Variants in CTNNA2 observed in about 807,000 individuals in gnomAD.
The protein encoded by CTNNA2 is catenin alpha-2.
CTNNA2 carries 42 observed loss-of-function variants against 101.0 expected under a neutral mutation model. The observed-to-expected ratio is 0.42, with a 90% CI of 0.32 to 0.54. The LOEUF (loss-of-function observed/expected upper bound fraction) is 0.54. CTNNA2 is among the 20% of genes least tolerant of loss of function. The pLI is 0.14. For synonymous variants in CTNNA2, 450 were observed against 456.4 expected, an observed-to-expected ratio of 0.99 and a Z score of 0.18; for missense variants, 871 against 1,223.1, an observed-to-expected ratio of 0.71 and a Z score of 4.29.
rs376301255 is a variant in CTNNA2, at chr2:80,138,470, A to G, written c.1056+228673A>G. Reference sequence around the variant, plus strand: ...TTACATGTGTTAATATACATTAAGCATGGAGAATAGTGTCTGGCATGCAAA... The same window carrying G: ...TTACATGTGTTAATATACATTAAGCGTGGAGAATAGTGTCTGGCATGCAAA... On this transcript the variant is annotated intron_variant, in intron 7 of 18. Coordinates refer to ENST00000402739, the MANE Select transcript of CTNNA2 (RefSeq NM_001282597.3). Among the ~76,000 whole-genome samples the G allele has an allele frequency of 8.5e-5, 13 of 152,308 alleles. No individual in the cohort carries two copies. In the South Asian group the frequency reaches 2.7e-3, roughly 32 times the overall value.
intron 7 of CTNNA2, among the ~76,000 whole-genome samples, chr2:80,059,920 A>ACCTAGT (rs553588846): frequency 6.6e-6 from 1 of 152,174 alleles, no homozygotes; most frequent in Non-Finnish European, 1.5e-5. Flanking sequence ...GATTCCTACC[A>ACCTAGT]CCTAGTATCA....
At chr2:79,979,940 A>T (rs142463478) in intron 7 of CTNNA2, among the ~76,000 whole-genome samples, 9 of 152,276 alleles carry the variant, frequency 5.9e-5, no homozygotes, top group Non-Finnish European at 1.2e-4. Context: ...GCAGACATGA[A>T]ATATAACCTG....
chr2:79,790,384 T>G (rs1359246388), intron 3 of CTNNA2, among the ~76,000 whole-genome samples: 2 of 152,132 alleles, frequency 1.3e-5, no homozygotes, highest in Non-Finnish European at 2.9e-5. Context: ...AATTGCTCTT[T>G]GCCAGTTAAG....
chr2:79,422,649 G>A (rs1353936079), intron 4 of CTNNA2, among the ~76,000 whole-genome samples: 1 of 152,186 alleles, frequency 6.6e-6, no homozygotes, highest in Non-Finnish European at 1.5e-5. Flanking sequence ...TTGGAAATCA[G>A]CGCTTCTCAG....
At chr2:79,721,248 A>T (rs1042906402) in intron 2 of CTNNA2, among the ~76,000 whole-genome samples, 2 of 152,138 alleles carry the variant, frequency 1.3e-5, no homozygotes, top group Admixed American at 1.3e-4. Context: ...AAAGAAAGTA[A>T]ATGTATTTCT....
At chr2:80,113,079 C>A (rs1293536056) in intron 7 of CTNNA2, among the ~76,000 whole-genome samples, 1 of 152,098 alleles carries the variant, frequency 6.6e-6, no homozygotes, top group East Asian at 1.9e-4. Context: ...GATCTGGGAG[C>A]CTCTTCAGGC....
At chr2:80,437,958 G>A (rs1418432084) in intron 9 of CTNNA2, among the ~76,000 whole-genome samples, 3 of 152,196 alleles carry the variant, frequency 2.0e-5, no homozygotes, top group African/African-American at 7.2e-5. Context: ...AGACTGGGCT[G>A]CATTGCAGCC....
intron 2 of CTNNA2, among the ~76,000 whole-genome samples, chr2:79,304,535 C>T (rs182156943): frequency 2.6e-4 from 40 of 152,232 alleles, no homozygotes; most frequent in Non-Finnish European, 1.5e-5. Context: ...ATAGGATATC[C>T]CAGGTGGCCA....
intron 7 of CTNNA2, among the ~76,000 whole-genome samples, chr2:80,124,765 C>T (rs1360642926): frequency 1.3e-5 from 2 of 152,182 alleles, no homozygotes; most frequent in Non-Finnish European, 2.9e-5. Flanking sequence ...TACCCCTCCC[C>T]TTCCTCTTCC....
chr2:79,715,850 C>G (rs1051949840), intron 2 of CTNNA2, among the ~76,000 whole-genome samples: 6 of 152,014 alleles, frequency 3.9e-5, no homozygotes, highest in African/African-American at 1.5e-4. Context: ...CGTCTAATAT[C>G]AAGCATAAGT....
chr2:79,722,215 C>T (rs535848198), intron 2 of CTNNA2, among the ~76,000 whole-genome samples: 3 of 152,220 alleles, frequency 2.0e-5, no homozygotes, highest in African/African-American at 7.2e-5. Flanking sequence ...GGCATGGGCT[C>T]ATCATCAATA....
At chr2:79,821,931 A>T (rs1678044298) in intron 3 of CTNNA2, among the ~76,000 whole-genome samples, 2 of 152,234 alleles carry the variant, frequency 1.3e-5, no homozygotes, top group African/African-American at 4.8e-5. Flanking sequence ...ACTTAAGAAA[A>T]GTATAGCAAT....
At chr2:80,064,558 T>A (rs1356087074) in intron 7 of CTNNA2, among the ~76,000 whole-genome samples, 2 of 152,226 alleles carry the variant, frequency 1.3e-5, no homozygotes, top group African/African-American at 4.8e-5. Context: ...TCCAAGTAGC[T>A]GGTGGCTCAG....
intron 2 of CTNNA2, among the ~76,000 whole-genome samples, chr2:79,669,733 C>T (rs1192873074): frequency 6.6e-6 from 1 of 152,206 alleles, no homozygotes; most frequent in Non-Finnish European, 1.5e-5. Context: ...GGGTGCTCCT[C>T]TCTGCAGCTG....
chr2:80,440,980 G>A (rs533763856), intron 9 of CTNNA2, among the ~76,000 whole-genome samples: 7 of 152,156 alleles, frequency 4.6e-5, no homozygotes, highest in African/African-American at 9.7e-5. Flanking sequence ...CTGATGAAGC[G>A]GCCACTATCT....
intron 4 of CTNNA2, among the ~76,000 whole-genome samples, chr2:79,490,692 C>T (rs1004638470): frequency 2.0e-5 from 3 of 152,134 alleles, no homozygotes; most frequent in Non-Finnish European, 4.4e-5. Flanking sequence ...ACTTAGACTT[C>T]TCACACTTAG....
At position 79,895,513 on chromosome 2, in the gene CTNNA2, A is replaced by T. The variant is rs145973351; in HGVS notation, c.853-14081A>T. On this transcript the variant is annotated intron_variant, in intron 6 of 18. Transcript: ENST00000402739. The stretch of plus-strand genomic sequence containing the variant: ...GCCACAATTGCTTCTGAGAAATATG[A>T]ATTGACTTTCCGTTTTAAATGGATA... Among the ~76,000 whole-genome samples, 62 of 152,258 alleles carry T rather than the reference A, an allele frequency of 4.1e-4. No individual in the cohort carries two copies. The East Asian group carries it at 0.011, about 28-fold the overall frequency.
At chr2:79,593,869 CCTTT>C (rs1677019513) in intron 1 of CTNNA2, among the ~76,000 whole-genome samples, 1 of 149,902 alleles carries the variant, frequency 6.7e-6, no homozygotes. Flanking sequence ...CCCAGTGCTG[CCTTT>C]CTTTTAGTTT....
In CTNNA2 at chr2:79,531,711, TCACTCTGTTGCC is replaced by T. The variant is rs1403978438; in HGVS notation, c.-6+18507_-6+18518del. ...TTTTTTTTTTTTTTGAGACAGAGTC[TCACTCTGTTGCC>T]CAGGCTGGAGTGCAATGGCATGATC... On this transcript the variant is annotated intron_variant, in intron 1 of 18. Transcript: ENST00000402739. 1.3e-5 allele frequency among the ~76,000 whole-genome samples: 2 copies of T among 151,422 alleles called. 1 individual carries two copies. The highest frequency in any genetic ancestry group is 1.3e-4 in the Admixed American group (2 of 15,136).
Sources: gnomAD v4.1 joint callset for allele counts (sites outside exome capture counted in the v4.1 genomes callset) on GRCh38, gnomAD v4.1.1 for gene constraint, MANE v1.5 for transcripts, NCBI Gene and HGNC (gene_info 2026-07-23, HGNC 2026-07-21) for gene names.